DLG2: variants seen among roughly 807,000 people sequenced by gnomAD.
DLG2 encodes disks large homolog 2.
In DLG2, 45 loss-of-function variants were observed where a neutral mutation model predicts 132.5. That is an observed-to-expected ratio of 0.34 (90% CI 0.27 to 0.44). The LOEUF (loss-of-function observed/expected upper bound fraction) is 0.44, where lower values mean the gene tolerates loss of function less well. DLG2 is among the 20% of genes least tolerant of loss of function. DLG2 has a pLI of 1.00. For synonymous variants in DLG2, 424 were observed against 419.6 expected (o/e 1.01, Z -0.13); for missense variants, 1,045 against 1,196.9 (o/e 0.87, Z 1.87).
intron 7 of DLG2, among the ~76,000 whole-genome samples, chr11:84,493,666 C>T (rs2154498562): frequency 6.6e-6 from 1 of 152,110 alleles, no homozygotes; most frequent in East Asian, 1.9e-4. Flanking sequence ...TCTGAGATGG[C>T]CTGGTGAGCA....
At chr11:84,598,548 G>A (rs558756783) in intron 6 of DLG2, among the ~76,000 whole-genome samples, 24 of 152,120 alleles carry the variant, frequency 1.6e-4, no homozygotes, top group African/African-American at 4.3e-4. Flanking sequence ...CAGGTACCAC[G>A]CTTATCTAAA....
intron 3 of DLG2, among the ~76,000 whole-genome samples, chr11:85,417,290 A>C (rs2089948783): frequency 6.6e-6 from 1 of 152,166 alleles, no homozygotes; most frequent in Non-Finnish European, 1.5e-5. Flanking sequence ...CCCAGAAATG[A>C]AGCTGACTTG....
chr11:84,026,804 C>T (rs1170120164), intron 11 of DLG2, among the ~76,000 whole-genome samples: 1 of 152,006 alleles, frequency 6.6e-6, no homozygotes, highest in Non-Finnish European at 1.5e-5. Context: ...TCCCAAAATT[C>T]ACTATTTTTT....
chr11:84,744,725 C>T (rs995798610), intron 6 of DLG2, among the ~76,000 whole-genome samples: 10 of 151,838 alleles, frequency 6.6e-5, no homozygotes, highest in African/African-American at 2.2e-4. Context: ...AAGCTTTCTC[C>T]CACAGCTGGA....
intron 4 of DLG2, among the ~76,000 whole-genome samples, chr11:85,253,550 A>T (rs964669198): frequency 1.3e-5 from 2 of 152,252 alleles, no homozygotes; most frequent in Middle Eastern, 3.4e-3. Flanking sequence ...CCAGCCCAGC[A>T]GCAGTATCTA....
intron 18 of DLG2, among the ~76,000 whole-genome samples, chr11:83,651,173 A>G (rs1240966207): frequency 6.6e-6 from 1 of 152,218 alleles, no homozygotes; most frequent in South Asian, 2.1e-4. Context: ...TACCTAGTAC[A>G]TAATAGGTAC....
At chr11:84,484,387 G>A (rs765710693) in intron 7 of DLG2, among the ~76,000 whole-genome samples, 1 of 152,034 alleles carries the variant, frequency 6.6e-6, no homozygotes, top group Non-Finnish European at 1.5e-5. Context: ...TGGACACAAC[G>A]TTTGAGAGAT....
At chr11:84,072,668 C>A (rs997440760) in intron 10 of DLG2, among the ~76,000 whole-genome samples, 6 of 152,270 alleles carry the variant, frequency 3.9e-5, no homozygotes, top group Middle Eastern at 6.8e-3. Flanking sequence ...CTTGGTACGA[C>A]ATGTTAAATA....
At chr11:83,773,977 G>C (rs2094493030) in intron 18 of DLG2, among the ~76,000 whole-genome samples, 1 of 152,074 alleles carries the variant, frequency 6.6e-6, no homozygotes, top group African/African-American at 2.4e-5. Flanking sequence ...CTGTTTTTTG[G>C]TGGTAAGATC....
chr11:83,663,760 C>T (rs1056140839), intron 18 of DLG2, among the ~76,000 whole-genome samples: 4 of 152,082 alleles, frequency 2.6e-5, no homozygotes, highest in East Asian at 1.9e-4. Context: ...GTAAGAATAC[C>T]TCAGAGGTTC....
intron 17 of DLG2, among the ~76,000 whole-genome samples, chr11:83,817,879 A>C (rs2049511360): frequency 6.6e-6 from 1 of 152,226 alleles, no homozygotes; most frequent in African/African-American, 2.4e-5. Context: ...CTAATTAAAA[A>C]ATAAATAAAT....
chr11:85,122,971 T>TATATATATATATATATATA (rs58158905), intron 5 of DLG2, among the ~76,000 whole-genome samples: 2 of 44,114 alleles, frequency 4.5e-5, no homozygotes, highest in Admixed American at 7.1e-4. Flanking sequence ...ATATATATAT[T>TATATATATATATATATATA]TTTTTTTTTT....
At chr11:85,132,211 T>C (rs1228113846) in intron 5 of DLG2, among the ~76,000 whole-genome samples, 1 of 152,188 alleles carries the variant, frequency 6.6e-6, no homozygotes, top group African/African-American at 2.4e-5. Flanking sequence ...TAAAATAGAA[T>C]TAGCTAAATA....
At chr11:84,478,006 C>T (rs1002290681) in intron 7 of DLG2, among the ~76,000 whole-genome samples, 1 of 151,942 alleles carries the variant, frequency 6.6e-6, no homozygotes, top group Non-Finnish European at 1.5e-5. Flanking sequence ...ATGAGGAATC[C>T]GAGGCACAGA....
chr11:84,034,749 T>C (rs574582923), intron 11 of DLG2, among the ~76,000 whole-genome samples: 2 of 152,280 alleles, frequency 1.3e-5, no homozygotes, highest in South Asian at 4.1e-4. Context: ...ATCAGGGGAC[T>C]GCTGCCCTCT....
chr11:85,170,606 C>G (rs907575049), intron 4 of DLG2, among the ~76,000 whole-genome samples: 1 of 152,168 alleles, frequency 6.6e-6, no homozygotes, highest in African/African-American at 2.4e-5. Context: ...CTGAGCCCAA[C>G]ACTACAAAAT....
chr11:85,356,042 A>G (rs1182640162), intron 3 of DLG2, among the ~76,000 whole-genome samples: 1 of 152,226 alleles, frequency 6.6e-6, no homozygotes, highest in African/African-American at 2.4e-5. Context: ...AGATGAAAGA[A>G]TCTGAATCTC....
At chr11:85,211,858 T>C (rs1385131400) in intron 4 of DLG2, among the ~76,000 whole-genome samples, 1 of 152,148 alleles carries the variant, frequency 6.6e-6, no homozygotes, top group African/African-American at 2.4e-5. Flanking sequence ...TAGTAGATAA[T>C]AAGCTCCATG....
chr11:84,584,954 C>T (rs1359637677), intron 6 of DLG2, among the ~76,000 whole-genome samples: 1 of 151,984 alleles, frequency 6.6e-6, no homozygotes, highest in Admixed American at 6.6e-5. Flanking sequence ...TCCCAAAGTG[C>T]TGGGATTACA....
Sources: allele counts gnomAD v4.1 joint callset (sites outside exome capture counted in the v4.1 genomes callset), GRCh38; gene constraint gnomAD v4.1.1; transcripts MANE v1.5; gene names NCBI Gene and HGNC (gene_info 2026-07-23, HGNC 2026-07-21).